The following ARMH4 variants were observed in gnomAD, a reference collection of about 807,000 sequenced individuals.
ARMH4 encodes the protein armadillo like helical domain containing 4.
In ARMH4, 49 loss-of-function variants were observed where a neutral mutation model predicts 61.9. The ratio of observed to expected loss-of-function variants is 0.79; its 90% CI spans 0.63 to 1.00. ARMH4 has a LOEUF of 1.00. ARMH4 is among the 50% of genes least tolerant of loss of function. The pLI, the probability that ARMH4 is intolerant of heterozygous loss-of-function variation, is 0.00. For synonymous variants in ARMH4, 368 were observed against 341.5 expected (o/e 1.08, Z -0.85); for missense variants, 934 against 930.0 (o/e 1.00, Z -0.06).
At chr14:58,129,944 G>T (rs1887030995) in intron 4 of ARMH4, among the ~76,000 whole-genome samples, 1 of 152,054 alleles carries the variant, frequency 6.6e-6, no homozygotes, top group Non-Finnish European at 1.5e-5. Flanking sequence ...TAGAAGAAAA[G>T]AACTAAAACC....
chr14:58,105,046 G>A (rs753465503), intron 4 of ARMH4, among the ~76,000 whole-genome samples: 9 of 152,158 alleles, frequency 5.9e-5, no homozygotes, highest in Admixed American at 3.3e-4. Flanking sequence ...TCTGTATTTC[G>A]GCCAATCTTT....
chr14:58,024,204 A>G (rs1488863528), intron 5 of ARMH4, among the ~76,000 whole-genome samples: 1 of 152,188 alleles, frequency 6.6e-6, no homozygotes. Flanking sequence ...CCAATATAAG[A>G]TTGTTTCATC....
At chr14:58,026,386 T>C (rs1335569308) in intron 5 of ARMH4, among the ~76,000 whole-genome samples, 1 of 152,164 alleles carries the variant, frequency 6.6e-6, no homozygotes, top group African/African-American at 2.4e-5. Flanking sequence ...AAGTTTCTGC[T>C]GAGCACCAAG....
intron 5 of ARMH4, among the ~76,000 whole-genome samples, chr14:58,015,845 A>G (rs1882591777): frequency 6.6e-6 from 1 of 151,340 alleles, no homozygotes; most frequent in Non-Finnish European, 1.5e-5. Flanking sequence ...AGATTGCTTG[A>G]GACCAGTCTA....
chr14:58,005,630 G>A (rs970043696), intron 6 of ARMH4, among the ~76,000 whole-genome samples: 1 of 152,206 alleles, frequency 6.6e-6, no homozygotes, highest in South Asian at 2.1e-4. Context: ...GGGCTAAAAG[G>A]AGGGCCTTGA....
At chr14:58,123,810 T>C (rs1886810042) in intron 4 of ARMH4, among the ~76,000 whole-genome samples, 1 of 152,234 alleles carries the variant, frequency 6.6e-6, no homozygotes, top group South Asian at 2.1e-4. Flanking sequence ...CCAATTCTCA[T>C]ACCTGGACAC....
chr14:58,005,084 G>A lies in ARMH4; in HGVS notation c.2220C>T (p.Arg740=). 2.5e-6 allele frequency: 4 copies of A among 1,613,922 alleles called. No individual in the cohort carries two copies. Among genetic ancestry groups the A allele is most frequent in the Non-Finnish European group, 3.4e-6 (4 of 1,179,938 alleles). The change falls in exon 7 of 8, where the codon CGC becomes CGT. Residue 740 remains arginine (R), a synonymous_variant. Coordinates refer to ENST00000267485, the MANE Select transcript of ARMH4 (RefSeq NM_001001872.4). ...GALYSIKVMN[R]RRRNGFKRHK... ...GCCTTTTGAAGCCATTTCTCCTTCG[G>A]CGATTCATAACCTTAATGCTGTAGA...
At chr14:58,008,708 C>T (rs959293585) in intron 6 of ARMH4, among the ~76,000 whole-genome samples, 47 of 152,152 alleles carry the variant, frequency 3.1e-4, no homozygotes, top group Non-Finnish European at 1.2e-4. Flanking sequence ...GCCCCATTCC[C>T]AGAGTTCCTG....
intron 5 of ARMH4, among the ~76,000 whole-genome samples, chr14:58,027,082 T>C (rs1024880324): frequency 6.6e-6 from 1 of 152,206 alleles, no homozygotes; most frequent in Non-Finnish European, 1.5e-5. Flanking sequence ...TACCAGTTCA[T>C]AATCTTCACT....
intron 5 of ARMH4, among the ~76,000 whole-genome samples, chr14:58,078,395 T>C (rs1056022918): frequency 6.6e-6 from 1 of 152,244 alleles, no homozygotes; most frequent in Non-Finnish European, 1.5e-5. Context: ...TGTACAATCA[T>C]GTACTGTCTC....
chr14:58,074,199 C>A (rs1030767157), intron 5 of ARMH4, among the ~76,000 whole-genome samples: 5 of 152,126 alleles, frequency 3.3e-5, no homozygotes, highest in Non-Finnish European at 7.4e-5. Flanking sequence ...GGCTGCAAGT[C>A]CCATGCAGCC....
chr14:58,015,970 A>T (rs1882596762), intron 5 of ARMH4, among the ~76,000 whole-genome samples: 2 of 151,824 alleles, frequency 1.3e-5, no homozygotes, highest in Admixed American at 6.6e-5. Flanking sequence ...TGTAATTTTT[A>T]AAAAATAGAC....
At chr14:58,027,963 G>C (rs1370823600) in intron 5 of ARMH4, among the ~76,000 whole-genome samples, 1 of 152,068 alleles carries the variant, frequency 6.6e-6, no homozygotes, top group Non-Finnish European at 1.5e-5. Flanking sequence ...AAAACCTAAA[G>C]GTCTTGACAG....
rs567934232 is a variant in ARMH4, at chr14:58,131,546, A to G, written c.1797T>C (p.Ala599=). ...VVPSITRVNT[A]ASYGLDQLES... is the part of the protein sequence containing the mutation. ...CAAGTTGGTCCAGGCCATATGAGGC[A>G]GCTGTATTAACACGAGTAATAGATG... Residue 599 remains alanine (A), a synonymous_variant, in exon 4 of 8, where the codon GCT becomes GCC. Transcript: ENST00000267485. 75 of 1,614,236 alleles carry G rather than the reference A, an allele frequency of 4.6e-5. No individual in the cohort carries two copies. The South Asian group carries it at 7.7e-4, about 17-fold the overall frequency.
intron 4 of ARMH4, among the ~76,000 whole-genome samples, chr14:58,106,896 C>A (rs1886182903): frequency 6.6e-6 from 1 of 151,896 alleles, no homozygotes; most frequent in Non-Finnish European, 1.5e-5. Flanking sequence ...TGGATCAGAC[C>A]TGTTTTCTTT....
chr14:58,150,830 T>C (rs1887896879), intron 1 of ARMH4, among the ~76,000 whole-genome samples: 1 of 152,230 alleles, frequency 6.6e-6, no homozygotes, highest in Non-Finnish European at 1.5e-5. Flanking sequence ...GTTCTGATAC[T>C]GTGAAACCTT....
chr14:58,007,157 T>C (rs1440880243), intron 6 of ARMH4, among the ~76,000 whole-genome samples: 1 of 152,174 alleles, frequency 6.6e-6, no homozygotes, highest in Non-Finnish European at 1.5e-5. Flanking sequence ...ATGATTAGGC[T>C]TCTCATGTAC....
intron 5 of ARMH4, among the ~76,000 whole-genome samples, chr14:58,065,801 A>T (rs1451684586): frequency 6.6e-6 from 1 of 152,196 alleles, no homozygotes; most frequent in Non-Finnish European, 1.5e-5. Context: ...TTGCCAGCAG[A>T]TTTTCTCTGT....
At chr14:58,076,512 T>A (rs994076438) in intron 5 of ARMH4, among the ~76,000 whole-genome samples, 2 of 152,226 alleles carry the variant, frequency 1.3e-5, no homozygotes, top group Non-Finnish European at 1.5e-5. Flanking sequence ...GCTGCCTGAA[T>A]GCAGTAGCAG....
Sources: allele counts gnomAD v4.1 joint callset (sites outside exome capture counted in the v4.1 genomes callset), GRCh38; gene constraint gnomAD v4.1.1; transcripts MANE v1.5; gene names NCBI Gene and HGNC (gene_info 2026-07-23, HGNC 2026-07-21).